The following CALD1 variants were observed in gnomAD, a reference collection of about 807,000 sequenced individuals.
CALD1 encodes the protein caldesmon.
Under a neutral mutation model 99.9 loss-of-function variants are expected in CALD1, and 33 were observed. The observed-to-expected ratio is 0.33, with a 90% confidence interval of 0.25 to 0.44. The LOEUF is 0.44. Ranked by LOEUF, CALD1 falls within the 20% of genes least tolerant of loss-of-function variation. The pLI, the probability that CALD1 is intolerant of heterozygous loss-of-function variation, is 1.00. For synonymous variants in CALD1, 310 were observed against 325.0 expected (o/e 0.95, Z 0.50); for missense variants, 861 against 962.1 (o/e 0.89, Z 1.39).
At chr7:134,768,130 T>C (rs1472763271) in intron 1 of CALD1, among the ~76,000 whole-genome samples, 2 of 152,182 alleles carry the variant, frequency 1.3e-5, no homozygotes, top group Non-Finnish European at 2.9e-5. Flanking sequence ...AGACTTCCTA[T>C]AGGAAGGCTG....
intron 2 of CALD1, among the ~76,000 whole-genome samples, chr7:134,862,771 G>C (rs1277637627): frequency 1.3e-5 from 2 of 152,198 alleles, no homozygotes; most frequent in African/African-American, 4.8e-5. Flanking sequence ...TGGAACAAAT[G>C]TACCACACTA....
chr7:134,769,291 A>C (rs1796856805), intron 1 of CALD1, among the ~76,000 whole-genome samples: 2 of 152,154 alleles, frequency 1.3e-5, no homozygotes, highest in Admixed American at 1.3e-4. Flanking sequence ...GGGATTACAG[A>C]ATATAGATGT....
chr7:134,736,694 CAG>C, the CALD1 span, among the ~76,000 whole-genome samples: 1 of 152,324 alleles, frequency 6.6e-6, no homozygotes, highest in African/African-American at 2.4e-5. Flanking sequence ...GGGTACATCA[CAG>C]AGAGGATGGG....
At chr7:134,911,435 C>T (rs748670665) in intron 3 of CALD1, among the ~76,000 whole-genome samples, 5 of 152,070 alleles carry the variant, frequency 3.3e-5, no homozygotes, top group Non-Finnish European at 4.4e-5. Context: ...GACCTTCTCC[C>T]GCCTCTGTTA....
rs141293827 is a variant in CALD1, at chr7:134,895,513, T to C, written c.71+27709T>C. Among the ~76,000 whole-genome samples, 119 of 152,310 alleles carry C rather than the reference T, an allele frequency of 7.8e-4. 1 individual carries two copies. The highest frequency in any genetic ancestry group is 2.8e-3 in the African/African-American group (115 of 41,572). On this transcript the variant is annotated intron_variant, in intron 3 of 14. Transcript: ENST00000361675. ...CATCCAAAAATGGGTCCAGTTATTA[T>C]GTGATGTCTTCCATCACATAATATT...
chr7:134,743,360 G>A (rs1434466923), upstream of CALD1, among the ~76,000 whole-genome samples: 1 of 152,100 alleles, frequency 6.6e-6, no homozygotes, highest in Non-Finnish European at 1.5e-5. Context: ...ATAAATATTT[G>A]GCCAAATTAG....
intron 3 of CALD1, among the ~76,000 whole-genome samples, chr7:134,909,434 G>A (rs2132683398): frequency 6.6e-6 from 1 of 152,344 alleles, no homozygotes; most frequent in East Asian, 1.9e-4. Context: ...TGTAATCCTA[G>A]CATTTTGGGA....
At chr7:134,827,196 T>C (rs978269) in intron 1 of CALD1, among the ~76,000 whole-genome samples, 77,911 of 151,938 alleles carry the variant, frequency 0.51, 22,371 homozygotes, top group African/African-American at 0.78. Context: ...TAAGAAGCAA[T>C]AGAAGTTTTG....
At chr7:134,953,491 G>T (rs1446904437) in intron 9 of CALD1, among the ~76,000 whole-genome samples, 2 of 151,218 alleles carry the variant, frequency 1.3e-5, no homozygotes, top group Non-Finnish European at 2.9e-5. Context: ...GAACCTGGGA[G>T]GCAGCAACAA....
chr7:134,873,231 A>AAC (rs1554447550), intron 3 of CALD1, among the ~76,000 whole-genome samples: 23 of 151,676 alleles, frequency 1.5e-4, no homozygotes, highest in East Asian at 7.8e-4. Context: ...ACAAAAAAAA[A>AAC]CACTATATTC....
chr7:134,781,946 G>A (rs974379591), intron 1 of CALD1, among the ~76,000 whole-genome samples: 2 of 152,184 alleles, frequency 1.3e-5, no homozygotes, highest in Non-Finnish European at 1.5e-5. Flanking sequence ...ATTCTAATTG[G>A]CTCCTGTGAC....
intron 1 of CALD1, among the ~76,000 whole-genome samples, chr7:134,812,935 T>G (rs997315133): frequency 6.6e-6 from 1 of 152,074 alleles, no homozygotes; most frequent in Non-Finnish European, 1.5e-5. Context: ...TTCCAACATT[T>G]AAAGGTCAGA....
intron 1 of CALD1, among the ~76,000 whole-genome samples, chr7:134,766,840 G>A (rs1380525036): frequency 6.6e-6 from 1 of 152,176 alleles, no homozygotes; most frequent in Non-Finnish European, 1.5e-5. Flanking sequence ...GGCAGACAGG[G>A]AGGGAGGAAG....
At chr7:134,931,563 T>G (rs759845315) in intron 4 of CALD1, among the ~76,000 whole-genome samples, 2 of 152,228 alleles carry the variant, frequency 1.3e-5, no homozygotes, top group Non-Finnish European at 2.9e-5. Flanking sequence ...AATTTGAACG[T>G]TGAAAGGGCC....
chr7:134,804,368 T>C (rs1466044955), intron 1 of CALD1, among the ~76,000 whole-genome samples: 1 of 152,252 alleles, frequency 6.6e-6, no homozygotes, highest in African/African-American at 2.4e-5. Flanking sequence ...CTGACAGGAA[T>C]GTCAAACCCT....
chr7:134,774,205 T>C (rs545024652), intron 1 of CALD1, among the ~76,000 whole-genome samples: 2 of 151,988 alleles, frequency 1.3e-5, no homozygotes, highest in South Asian at 2.1e-4. Flanking sequence ...AAGTAGCCAA[T>C]TGGAAGTTGC....
chr7:134,929,870 T>C (rs1389874984), intron 4 of CALD1, among the ~76,000 whole-genome samples: 1 of 151,354 alleles, frequency 6.6e-6, no homozygotes, highest in African/African-American at 2.4e-5. Context: ...TTAAGGAATC[T>C]ATACTGTTTT....
At chr7:134,756,391 C>T (rs1796731050) in intron 1 of CALD1, among the ~76,000 whole-genome samples, 2 of 149,670 alleles carry the variant, frequency 1.3e-5, no homozygotes, top group African/African-American at 2.5e-5. Context: ...CATTTTGAGG[C>T]TCTGAATTCT....
At chr7:134,851,694 T>C (rs1457028943) in intron 2 of CALD1, among the ~76,000 whole-genome samples, 2 of 152,172 alleles carry the variant, frequency 1.3e-5, no homozygotes, top group Non-Finnish European at 2.9e-5. Flanking sequence ...AATGACTGTC[T>C]GGAAATCTTA....
Sources: gnomAD v4.1 joint callset for allele counts (sites outside exome capture counted in the v4.1 genomes callset) on GRCh38, gnomAD v4.1.1 for gene constraint, MANE v1.5 for transcripts, NCBI Gene and HGNC (gene_info 2026-07-23, HGNC 2026-07-21) for gene names.